The following DGKI variants were observed in gnomAD, a reference collection of about 807,000 sequenced individuals.
The protein encoded by DGKI is diacylglycerol kinase iota.
A neutral mutation model predicts 147.5 loss-of-function variants in DGKI; 55 were observed. The ratio of observed to expected loss-of-function variants is 0.37; its 90% CI spans 0.30 to 0.47. The LOEUF is 0.47. Ranked by LOEUF, DGKI falls within the 20% of genes least tolerant of loss-of-function variation. DGKI has a pLI of 1.00. For missense variants in DGKI, 1,007 were observed against 1,323.8 expected (o/e 0.76, Z 3.71); for synonymous variants, 469 against 477.1 (o/e 0.98, Z 0.22).
chr7:137,488,285 A>AG (rs1815640366), intron 21 of DGKI, among the ~76,000 whole-genome samples: 3 of 152,296 alleles, frequency 2.0e-5, no homozygotes. Flanking sequence ...AGAACAAAAA[A>AG]CAGCTTCTAG....
At chr7:137,763,836 T>G (rs1795929469) in intron 1 of DGKI, among the ~76,000 whole-genome samples, 1 of 152,184 alleles carries the variant, frequency 6.6e-6, no homozygotes, top group African/African-American at 2.4e-5. Flanking sequence ...TCCAATAAGG[T>G]CTCAACCTCC....
In DGKI at chr7:137,821,271, G is replaced by A. The variant is rs918473147; in HGVS notation, c.401+25191C>T. On this transcript the variant is annotated intron_variant, in intron 1 of 32. Coordinates refer to ENST00000614521, the MANE Select transcript of DGKI (RefSeq NM_001321708.2). ...TTTGAAAGGAGTTGATGGCTGCAAG[G>A]TAAATGATGAGCTGAATGAATGCGA... Among the ~76,000 whole-genome samples, 8 of 152,086 alleles carry A rather than the reference G, an allele frequency of 5.3e-5. No individual in the cohort carries two copies. In the East Asian group the frequency reaches 1.4e-3, roughly 26 times the overall value.
chr7:137,655,238 A>G (rs1309590267), intron 4 of DGKI, among the ~76,000 whole-genome samples: 1 of 149,428 alleles, frequency 6.7e-6, no homozygotes, highest in Non-Finnish European at 1.5e-5. Flanking sequence ...TCATTCTGTC[A>G]CCCAGTCTGG....
chr7:137,638,493 CATAT>C (rs1289071291), intron 6 of DGKI, among the ~76,000 whole-genome samples: 1 of 109,458 alleles, frequency 9.1e-6, no homozygotes, highest in Non-Finnish European at 1.8e-5. Flanking sequence ...TATATACACA[CATAT>C]ATATGTATAT....
At chr7:137,632,557 C>A (rs1821158007) in intron 6 of DGKI, among the ~76,000 whole-genome samples, 1 of 152,020 alleles carries the variant, frequency 6.6e-6, no homozygotes, top group African/African-American at 2.4e-5. Context: ...CTAATGGTCC[C>A]CTATTAAAAT....
Position 137,623,531 on chromosome 7 carries a change from G to A in DGKI, c.828C>T (p.Phe276=). 1 of 1,614,048 alleles carries A rather than the reference G, an allele frequency of 6.2e-7. No individual in the cohort carries two copies. Among genetic ancestry groups the A allele is most frequent in the Non-Finnish European group, 8.5e-7 (1 of 1,179,928 alleles). ...TGATAGCCACAATCTCTTTACTGTG[G>A]AAGGAGAACTTTTGCTGGAAGCCCT... is the stretch of plus-strand genomic sequence containing the variant. ...CGKGFQQKFS[F]HSKEIVAISC... The change falls in exon 7 of 33, where the codon TTC becomes TTT. Residue 276 remains phenylalanine (F), a synonymous_variant. Transcript: ENST00000614521.
At chr7:137,432,037 GT>G (rs1209643906) in intron 28 of DGKI, among the ~76,000 whole-genome samples, 3 of 152,186 alleles carry the variant, frequency 2.0e-5, no homozygotes, top group Non-Finnish European at 4.4e-5. Flanking sequence ...ACGAGATCTG[GT>G]TGTTTAAAAG....
rs73455333 is a variant in DGKI at position 137,631,338 on chromosome 7, A to G, written c.805-7784T>C. 1.9e-3 allele frequency among the ~76,000 whole-genome samples: 297 copies of G among 152,350 alleles called. 2 individuals carry two copies. The highest frequency in any genetic ancestry group is 6.8e-3 in the Middle Eastern group (2 of 294). ...TGTCAAGGTGACATTAGCATGTAATATATGCCTTAGAGGGAGAAAAGAGTC... is the reference window on the plus strand; with the variant it reads ...TGTCAAGGTGACATTAGCATGTAATGTATGCCTTAGAGGGAGAAAAGAGTC... On this transcript the variant is annotated intron_variant, in intron 6 of 32. Transcript: ENST00000614521.
At chr7:137,400,314 A>G (rs891411611) in intron 30 of DGKI, among the ~76,000 whole-genome samples, 9 of 152,132 alleles carry the variant, frequency 5.9e-5, no homozygotes, top group African/African-American at 1.9e-4. Context: ...AGCAGCCTAC[A>G]CTCATTAGTA....
intron 21 of DGKI, among the ~76,000 whole-genome samples, chr7:137,500,379 A>G (rs1816127809): frequency 6.6e-6 from 1 of 152,178 alleles, no homozygotes; most frequent in Non-Finnish European, 1.5e-5. Flanking sequence ...CACAGGTCAC[A>G]CTAATTAATT....
chr7:137,432,028 C>T (rs1004406034), intron 28 of DGKI, among the ~76,000 whole-genome samples: 2 of 152,132 alleles, frequency 1.3e-5, no homozygotes, highest in African/African-American at 2.4e-5. Flanking sequence ...TGAGTCTTCA[C>T]GAGATCTGGT....
intron 20 of DGKI, chr7:137,545,918 G>T (rs1260814863): frequency 7.1e-6 from 5 of 702,618 alleles, no homozygotes; most frequent in Non-Finnish European, 1.3e-5. Flanking sequence ...GGAGCCGGGG[G>T]GAGCAGACAC....
At chr7:137,450,888 G>A (rs1279250960) in intron 27 of DGKI, among the ~76,000 whole-genome samples, 2 of 151,750 alleles carry the variant, frequency 1.3e-5, no homozygotes, top group Non-Finnish European at 2.9e-5. Context: ...CCCTGCTTAT[G>A]AGAATATCCA....
At chr7:137,397,300 C>T in intron 31 of DGKI, 77 bp downstream of exon 31, 1 of 1,381,752 alleles carries the variant, frequency 7.2e-7, no homozygotes, top group South Asian at 1.2e-5. Context: ...CTATGATATG[C>T]TCTATAGATT....
intron 5 of DGKI, among the ~76,000 whole-genome samples, chr7:137,651,112 C>T (rs1822012445): frequency 6.6e-6 from 1 of 152,166 alleles, no homozygotes; most frequent in South Asian, 2.1e-4. Flanking sequence ...ATTAGGCTGG[C>T]TCAAAAGTAA....
chr7:137,760,994 C>A (rs1031835913), intron 1 of DGKI, among the ~76,000 whole-genome samples: 2 of 152,192 alleles, frequency 1.3e-5, no homozygotes, highest in Admixed American at 6.5e-5. Context: ...AAACCAATTT[C>A]TCTCTACCTA....
In DGKI at chr7:137,690,972, G is replaced by A. The variant is rs190837951; in HGVS notation, c.402-970C>T. Among the ~76,000 whole-genome samples the A allele has an allele frequency of 2.0e-5, 3 of 152,264 alleles. No individual in the cohort carries two copies. In the East Asian group the frequency reaches 5.8e-4, roughly 29 times the overall value. On this transcript the variant is annotated intron_variant, in intron 1 of 32. Transcript: ENST00000614521. ...ACAAGGGTCTAGAGCTTAAACATGA[G>A]CGCTGATTTGTGATTGAACTAAGTC... is the stretch of plus-strand genomic sequence containing the variant.
chr7:137,410,977 G>A (rs1420869136), intron 29 of DGKI, among the ~76,000 whole-genome samples: 1 of 152,238 alleles, frequency 6.6e-6, no homozygotes, highest in Admixed American at 6.5e-5. Flanking sequence ...CCTAAAGGGG[G>A]CAGTTGATCA....
At chr7:137,568,016 T>A (rs537744840) in intron 19 of DGKI, among the ~76,000 whole-genome samples, 1 of 152,050 alleles carries the variant, frequency 6.6e-6, no homozygotes, top group East Asian at 1.9e-4. Context: ...TACTTGGGAG[T>A]TTGTTGTATT....
Sources: allele counts gnomAD v4.1 joint callset (sites outside exome capture counted in the v4.1 genomes callset), GRCh38; gene constraint gnomAD v4.1.1; transcripts MANE v1.5; gene names NCBI Gene and HGNC (gene_info 2026-07-23, HGNC 2026-07-21).